Variants in PAPPA observed in about 807,000 individuals in gnomAD.
The protein encoded by PAPPA is pappalysin-1.
A neutral mutation model predicts 164.0 loss-of-function variants in PAPPA; 60 were observed. The ratio of observed to expected loss-of-function variants is 0.37; its 90% CI spans 0.30 to 0.45. The LOEUF (loss-of-function observed/expected upper bound fraction) is 0.45. Among genes scored for constraint, PAPPA ranks in the 20% least tolerant of loss-of-function variants. PAPPA has a pLI of 1.00. For missense variants in PAPPA, 1,782 were observed against 2,087.3 expected, an observed-to-expected ratio of 0.85 and a Z score of 2.85; for synonymous variants, 875 against 814.1, an observed-to-expected ratio of 1.07 and a Z score of -1.27.
At chr9:116,273,661 C>G (rs950589958) in intron 9 of PAPPA, among the ~76,000 whole-genome samples, 1 of 152,134 alleles carries the variant, frequency 6.6e-6, no homozygotes, top group Non-Finnish European at 1.5e-5. Flanking sequence ...ATAATCCCAG[C>G]TACTCTGGAG....
chr9:116,394,837 T>TCTTTGTTTG (rs1846941188), intron 21 of PAPPA, among the ~76,000 whole-genome samples: 1 of 152,182 alleles, frequency 6.6e-6, no homozygotes, highest in Non-Finnish European at 1.5e-5. Flanking sequence ...AGACTTGTGG[T>TCTTTGTTTG]AGCCATAAGT....
intron 17 of PAPPA, among the ~76,000 whole-genome samples, chr9:116,360,604 A>G (rs1009955880): frequency 8.6e-5 from 13 of 151,970 alleles, no homozygotes; most frequent in African/African-American, 2.7e-4. Flanking sequence ...TCTTTTCTTC[A>G]TTTACTCACT....
At chr9:116,177,222 ATCCT>A (rs1316257303) in intron 1 of PAPPA, among the ~76,000 whole-genome samples, 8 of 152,106 alleles carry the variant, frequency 5.3e-5, no homozygotes, top group African/African-American at 1.7e-4. Flanking sequence ...GTCTTATTAC[ATCCT>A]TCCAACCAGA....
intron 6 of PAPPA, among the ~76,000 whole-genome samples, chr9:116,231,179 C>T (rs750847267): frequency 2.2e-4 from 33 of 151,970 alleles, no homozygotes; most frequent in Non-Finnish European, 3.4e-4. Flanking sequence ...CATATATGAC[C>T]TTATTTCTAG....
chr9:116,207,423 A>C lies in PAPPA; in HGVS notation c.1479-33A>C, dbSNP rs759537937. The C allele has an allele frequency of 8.2e-6, 11 of 1,342,208 alleles. No homozygotes were observed. The Admixed American group carries it at 2.6e-4, about 32-fold the overall frequency. 83.1% of individuals were successfully genotyped at this position (1,342,208 alleles called of 1,614,324 possible). A position where few individuals can be genotyped will look rare whatever the true frequency, so the allele number is the denominator to read the frequency against. Reference sequence around the variant, plus strand: ...GAGGGCCTGTTATCTTTTTGGGGGCATGATAACAGCCAAGGTTCTTTTTCT... The same window carrying C: ...GAGGGCCTGTTATCTTTTTGGGGGCCTGATAACAGCCAAGGTTCTTTTTCT... On this transcript the variant is annotated intron_variant, in intron 2 of 21. Coordinates refer to ENST00000328252, the MANE Select transcript of PAPPA (RefSeq NM_002581.5).
chr9:116,362,520 T>A, intron 17 of PAPPA, 72 bp from the exon 18 acceptor site: 2 of 1,481,786 alleles, frequency 1.3e-6, no homozygotes, highest in South Asian at 2.6e-5. Context: ...TCTTTTCTGT[T>A]GTATTCAGAA....
At chr9:116,336,090 A>G (rs1846057723) in intron 13 of PAPPA, among the ~76,000 whole-genome samples, 1 of 152,188 alleles carries the variant, frequency 6.6e-6, no homozygotes, top group African/African-American at 2.4e-5. Flanking sequence ...CAGGGCCCAG[A>G]AAGGGAAGAA....
At chr9:116,157,580 G>C (rs899091127) in intron 1 of PAPPA, among the ~76,000 whole-genome samples, 1 of 152,062 alleles carries the variant, frequency 6.6e-6, no homozygotes, top group African/African-American at 2.4e-5. Context: ...TGGCCGAATG[G>C]GGAGAGAGAC....
intron 9 of PAPPA, among the ~76,000 whole-genome samples, chr9:116,277,275 C>T (rs536979172): frequency 4.0e-4 from 61 of 152,182 alleles, no homozygotes; most frequent in African/African-American, 1.3e-3. Flanking sequence ...CCCCAGAACA[C>T]GTTTTTGAAA....
At chr9:116,297,698 A>G (rs1278130264) in intron 9 of PAPPA, among the ~76,000 whole-genome samples, 1 of 152,152 alleles carries the variant, frequency 6.6e-6, no homozygotes, top group African/African-American at 2.4e-5. Context: ...TAGCTCATGC[A>G]TCCTCTTTAA....
At chr9:116,270,987 T>C (rs1564205543) in intron 8 of PAPPA, among the ~76,000 whole-genome samples, 1 of 152,200 alleles carries the variant, frequency 6.6e-6, no homozygotes, top group Non-Finnish European at 1.5e-5. Flanking sequence ...CTGTGAGACT[T>C]CCTAGACACT....
chr9:116,366,847 GC>G (rs1180645824), intron 18 of PAPPA, among the ~76,000 whole-genome samples: 3 of 152,182 alleles, frequency 2.0e-5, no homozygotes, highest in Non-Finnish European at 4.4e-5. Flanking sequence ...TGAGCAAGTG[GC>G]TTGGGATTGA....
intron 1 of PAPPA, among the ~76,000 whole-genome samples, chr9:116,171,737 T>C (rs562610781): frequency 1.3e-5 from 2 of 152,208 alleles, no homozygotes; most frequent in African/African-American, 4.8e-5. Flanking sequence ...CTTCCCCTTA[T>C]TCATTGAAAC....
chr9:116,325,075 C>T (rs1024368780), intron 10 of PAPPA, among the ~76,000 whole-genome samples: 21 of 152,120 alleles, frequency 1.4e-4, no homozygotes, highest in African/African-American at 1.9e-4. Flanking sequence ...AAAGACTGGT[C>T]GTTGGTGCCC....
At position 116,220,091 on chromosome 9, in the gene PAPPA, G is replaced by A. The variant is rs768420645; in HGVS notation, c.2073G>A (p.Leu691=). Residue 691 remains leucine, a synonymous_variant, in exon 5 of 22, where the codon CTG becomes CTA. Coordinates refer to ENST00000328252, the MANE Select transcript of PAPPA (RefSeq NM_002581.5). ...GCCACACAACGGACTCTGTGACACT[G>A]GAGTGGTTCCCACCTATAGATGGCC... is the stretch of plus-strand genomic sequence containing the variant. ...VLGHTTDSVT[L]EWFPPIDGHF... The A allele has an allele frequency of 1.2e-5, 19 of 1,613,880 alleles. No individual in the cohort carries two copies. The highest frequency in any genetic ancestry group is 4.0e-5 in the African/African-American group (3 of 74,918).
chr9:116,249,169 T>C (rs367925315), intron 7 of PAPPA, among the ~76,000 whole-genome samples: 51 of 152,278 alleles, frequency 3.3e-4, no homozygotes, highest in African/African-American at 1.1e-3. Context: ...AGTAAACACA[T>C]AAACAAGTGA....
At chr9:116,155,558 G>A (rs1215229710) in intron 1 of PAPPA, among the ~76,000 whole-genome samples, 3 of 152,180 alleles carry the variant, frequency 2.0e-5, no homozygotes, top group Admixed American at 1.3e-4. Context: ...ATCTTGCCAT[G>A]TCCTGGGACG....
chr9:116,232,571 T>C (rs930314311), intron 6 of PAPPA, among the ~76,000 whole-genome samples: 2 of 152,236 alleles, frequency 1.3e-5, no homozygotes, highest in African/African-American at 4.8e-5. Flanking sequence ...TTTCCTCTTC[T>C]GTAAAATGAA....
chr9:116,211,831 C>T lies in PAPPA; in HGVS notation c.1817C>T (p.Ala606Val), dbSNP rs368101870. The change falls in exon 4 of 22, where the codon GCC becomes GTC. Residue 606 changes from alanine to valine, a missense_variant. Ala to Val is a moderately conservative substitution (Grantham distance 64). Transcript: ENST00000328252. ...TGDLCNDTNP[A>V]PKHKSCGDPG... Reference sequence around the variant, plus strand: ...GACCTCTGCAATGATACCAACCCAGCCCCTAAACACAAGTCCTGTGGTGAC... The same window carrying T: ...GACCTCTGCAATGATACCAACCCAGTCCCTAAACACAAGTCCTGTGGTGAC... 3 of 1,613,970 alleles carry T rather than the reference C, an allele frequency of 1.9e-6. No individual in the cohort carries two copies. The highest frequency in any genetic ancestry group is 1.3e-5 in the African/African-American group (1 of 74,920).
Sources: gnomAD v4.1 joint callset for allele counts (sites outside exome capture counted in the v4.1 genomes callset) on GRCh38, gnomAD v4.1.1 for gene constraint, MANE v1.5 for transcripts, NCBI Gene and HGNC (gene_info 2026-07-23, HGNC 2026-07-21) for gene names.